The following FNBP4 variants were observed in gnomAD, a reference collection of about 807,000 sequenced individuals.
The protein encoded by FNBP4 is formin binding protein 4, also known as formin-binding protein 4.
A neutral mutation model predicts 119.3 loss-of-function variants in FNBP4; 34 were observed. The ratio of observed to expected loss-of-function variants is 0.28; its 90% CI spans 0.22 to 0.38. The LOEUF (loss-of-function observed/expected upper bound fraction) is 0.38, where lower values mean the gene tolerates loss of function less well. Ranked by LOEUF, FNBP4 falls within the 10% of genes least tolerant of loss-of-function variation. The pLI is 1.00. For synonymous variants in FNBP4, 462 were observed against 430.6 expected (o/e 1.07, Z -0.90); for missense variants, 1,112 against 1,228.9 (o/e 0.90, Z 1.42).
chr11:47,732,397 C>T lies in FNBP4; in HGVS notation c.1820+140G>A, dbSNP rs973561165. ...TGTGGCTGGCCAAACTTTGTGCTTGCGGTGCTTTGCCTGCCCAGCACCGCT... is the reference window on the plus strand; with the variant it reads ...TGTGGCTGGCCAAACTTTGTGCTTGTGGTGCTTTGCCTGCCCAGCACCGCT... On this transcript the variant is annotated intron_variant, in intron 11 of 16. Transcript: ENST00000263773. The surrounding 1 kb of genome is among the most constrained non-coding windows in gnomAD (Gnocchi z 4.2). 25 of 1,514,636 alleles carry T rather than the reference C, an allele frequency of 1.7e-5. No individual in the cohort carries two copies. The highest frequency in any genetic ancestry group is 1.3e-4 in the African/African-American group (9 of 71,654). 93.8% of individuals were successfully genotyped at this position (1,514,636 alleles called of 1,614,324 possible).
intron 11 of FNBP4, chr11:47,731,949 TC>T: frequency 1.0e-6 from 1 of 1,001,264 alleles, no homozygotes; most frequent in Non-Finnish European, 1.2e-6. Flanking sequence ...AGGTGACTCT[TC>T]CCCTCTTGGA....
intron 8 of FNBP4, among the ~76,000 whole-genome samples, chr11:47,739,933 C>T (rs918942540): frequency 4.8e-5 from 7 of 147,038 alleles, no homozygotes; most frequent in African/African-American, 1.8e-4. Flanking sequence ...CATGCGCCAC[C>T]ACGCCCGGCT....
In FNBP4 at chr11:47,724,534, A is replaced by T. The variant is rs2097558981; in HGVS notation, c.2253T>A (p.Pro751=). ...EMEDEGSEEP[P]APGTEEDTPL... ...GGGTATCTTCCTCTGTTCCTGGGGC[A>T]GGGGGCTCCTCACTTCCCTCATCCT... The change falls in exon 13 of 17, where the codon CCT becomes CCA. Residue 751 remains proline (P), a synonymous_variant. Transcript: ENST00000263773. The T allele has an allele frequency of 1.2e-6, 2 of 1,614,030 alleles. No individual in the cohort carries two copies. Among genetic ancestry groups the T allele is most frequent in the African/African-American group, 2.7e-5 (2 of 74,898 alleles).
Position 47,736,249 on chromosome 11 carries a change from A to G in FNBP4, c.1581+367T>C, listed in dbSNP as rs2097573931. Among the ~76,000 whole-genome samples, 2 of 38,394 alleles carry G rather than the reference A, an allele frequency of 5.2e-5. 1 individual carries two copies. The highest frequency in any genetic ancestry group is 8.7e-4 in the Admixed American group (2 of 2,308). The allele number at this position is 38,394 out of a possible 152,430, so 25.2% of individuals were successfully genotyped here. Reference sequence around the variant, plus strand: ...GAGCAACACTCTCTCTTGGGAAAAAAAAAGAAAAAAAAAAAAAATTTGGCG... The same window carrying G: ...GAGCAACACTCTCTCTTGGGAAAAAGAAAGAAAAAAAAAAAAAATTTGGCG... On this transcript the variant is annotated intron_variant, in intron 9 of 16. Coordinates refer to ENST00000263773, the MANE Select transcript of FNBP4 (RefSeq NM_015308.5).
At chr11:47,761,145 A>G (rs1288133159) in intron 2 of FNBP4, among the ~76,000 whole-genome samples, 1 of 152,228 alleles carries the variant, frequency 6.6e-6, no homozygotes. Flanking sequence ...TAAAGGGATT[A>G]AAAGTAATGC....
intron 2 of FNBP4, among the ~76,000 whole-genome samples, chr11:47,755,234 G>A (rs1334080588): frequency 6.6e-6 from 1 of 151,660 alleles, no homozygotes; most frequent in South Asian, 2.1e-4. Context: ...CAGATCACCT[G>A]AAGTCAGGAG....
intron 15 of FNBP4, 30 bp downstream of exon 15, chr11:47,722,943 AAAT>A: frequency 6.8e-7 from 1 of 1,465,926 alleles, no homozygotes; most frequent in Non-Finnish European, 9.0e-7. Context: ...AAATTTTTAA[AAAT>A]AAATTTTTAA....
At chr11:47,718,389 T>C (rs1462126031) in intron 16 of FNBP4, among the ~76,000 whole-genome samples, 1 of 152,008 alleles carries the variant, frequency 6.6e-6, no homozygotes, top group Non-Finnish European at 1.5e-5. Flanking sequence ...AATTTTTATA[T>C]TTTTAGTAAA....
chr11:47,766,971 G>A (rs985888756), intron 1 of FNBP4, 98 bp downstream of exon 1: 1 of 1,408,472 alleles, frequency 7.1e-7, no homozygotes, highest in East Asian at 3.0e-5. Flanking sequence ...CTCGGAAGCC[G>A]ACCTCGCCCG....
chr11:47,746,519 C>CTTTT, intron 6 of FNBP4, 125 bp from the exon 7 acceptor site: 1 of 664,890 alleles, frequency 1.5e-6, no homozygotes, highest in Non-Finnish European at 2.3e-6. Context: ...GTAAAAACGA[C>CTTTT]TTTTTTTTTT....
intron 12 of FNBP4, chr11:47,729,230 T>A: frequency 1.0e-6 from 1 of 985,360 alleles, no homozygotes; most frequent in Non-Finnish European, 1.2e-6. Context: ...GTATTTTGAA[T>A]GAAGAGCTCA....
chr11:47,748,582 C>T (rs898633449), intron 6 of FNBP4, among the ~76,000 whole-genome samples: 1 of 151,700 alleles, frequency 6.6e-6, no homozygotes, highest in South Asian at 2.1e-4. Context: ...GTTATGTTTT[C>T]CAGGCTGGTT....
At chr11:47,748,579 T>C (rs1315526743) in intron 6 of FNBP4, among the ~76,000 whole-genome samples, 1 of 151,912 alleles carries the variant, frequency 6.6e-6, no homozygotes, top group Non-Finnish European at 1.5e-5. Flanking sequence ...CTTGTTATGT[T>C]TTCCAGGCTG....
chr11:47,767,264 G>T lies in FNBP4; in HGVS notation c.25C>A (p.Pro9Thr). 1 of 1,550,142 alleles carries T rather than the reference G, an allele frequency of 6.5e-7. No homozygotes were observed. The highest frequency in any genetic ancestry group is 8.6e-7 in the Non-Finnish European group (1 of 1,156,720). The part of the protein sequence containing the change: MGKKSRAV[P>T]GRRPILQLSP... ...AGTTGCAGGATGGGCCTACGGCCGG[G>T]TACCGCCCGGGACTTCTTCCCCATC... The change falls in exon 1 of 17, where the codon CCC becomes ACC. Residue 9 changes from proline (P) to threonine (T), a missense_variant. Around this residue, in one of 2 missense-constraint regions of FNBP4, gnomAD observed 286 missense variants for 240.1 expected, o/e 1.19. Coordinates refer to ENST00000263773, the MANE Select transcript of FNBP4 (RefSeq NM_015308.5).
chr11:47,743,894 A>C, intron 8 of FNBP4, 59 bp downstream of exon 8: 1 of 1,473,434 alleles, frequency 6.8e-7, no homozygotes, highest in Non-Finnish European at 9.4e-7. Flanking sequence ...AAAAAAGACA[A>C]GAGTTTCCTT....
chr11:47,736,347 G>C (rs2135135255), intron 9 of FNBP4, among the ~76,000 whole-genome samples: 1 of 152,134 alleles, frequency 6.6e-6, no homozygotes, highest in Admixed American at 6.5e-5. Context: ...ATGAACGCCA[G>C]GAGTTCGAGA....
chr11:47,725,381 G>A (rs946850948), intron 12 of FNBP4: 1 of 152,062 alleles, frequency 6.6e-6, no homozygotes, highest in Non-Finnish European at 1.5e-5. Context: ...GTTTAATTTG[G>A]GTTACTAAAT....
intron 8 of FNBP4, among the ~76,000 whole-genome samples, chr11:47,742,841 G>A (rs1289206861): frequency 1.3e-5 from 2 of 152,032 alleles, no homozygotes; most frequent in African/African-American, 4.8e-5. Flanking sequence ...AGTGAGCCAA[G>A]ACTGCACCAT....
At chr11:47,739,881 C>T (rs958648205) in intron 8 of FNBP4, among the ~76,000 whole-genome samples, 19 of 152,092 alleles carry the variant, frequency 1.2e-4, no homozygotes, top group East Asian at 3.9e-4. Context: ...CAGGTTCAAG[C>T]GATTCTCCTG....
Sources: gnomAD v4.1 joint callset for allele counts (sites outside exome capture counted in the v4.1 genomes callset) on GRCh38, gnomAD v4.1.1 for gene constraint, gnomAD v4.1.1 regional missense constraint, Gnocchi (gnomAD v3.1) non-coding constraint, MANE v1.5 for transcripts, NCBI Gene and HGNC (gene_info 2026-07-23, HGNC 2026-07-21) for gene names.